The following FAR2 variants were observed in gnomAD, a reference collection of about 807,000 sequenced individuals.
The protein encoded by FAR2 is fatty acyl-CoA reductase 2.
Under a neutral mutation model 56.0 loss-of-function variants are expected in FAR2, and 19 were observed. The observed-to-expected ratio is 0.34, with a 90% CI of 0.24 to 0.50. FAR2 has a LOEUF of 0.50. Ranked by LOEUF, FAR2 falls within the 20% of genes least tolerant of loss-of-function variation. The pLI is 0.98. For synonymous variants in FAR2, 219 were observed against 218.8 expected (o/e 1.00, Z -0.01); for missense variants, 508 against 642.2 (o/e 0.79, Z 2.26).
intron 1 of FAR2, among the ~76,000 whole-genome samples, chr12:29,260,298 T>A (rs1013485302): frequency 1.3e-5 from 2 of 152,172 alleles, no homozygotes; most frequent in Non-Finnish European, 2.9e-5. Flanking sequence ...AAGAAACATC[T>A]CTGATGCAGC....
At chr12:29,251,189 CA>C (rs1388088203) in intron 1 of FAR2, among the ~76,000 whole-genome samples, 2 of 152,152 alleles carry the variant, frequency 1.3e-5, no homozygotes, top group African/African-American at 4.8e-5. Flanking sequence ...CTTGACTCAT[CA>C]AAACAGATAA....
At chr12:29,286,126 T>G (rs921757382) in intron 2 of FAR2, among the ~76,000 whole-genome samples, 12 of 152,022 alleles carry the variant, frequency 7.9e-5, no homozygotes, top group African/African-American at 2.9e-4. Context: ...GATCAGCAGT[T>G]TTTGGAAATG....
intron 2 of FAR2, chr12:29,277,442 T>G (rs7299283): frequency 1.3e-5 from 2 of 152,056 alleles, no homozygotes; most frequent in African/African-American, 2.4e-5. Flanking sequence ...TGTCAGGCAC[T>G]TATTGCTTTG....
At chr12:29,287,448 C>A (rs1948896712) in intron 2 of FAR2, among the ~76,000 whole-genome samples, 1 of 152,062 alleles carries the variant, frequency 6.6e-6, no homozygotes, top group South Asian at 2.1e-4. Context: ...AATTAACGAA[C>A]TTATTTGTGT....
chr12:29,305,244 C>CT (rs1457388662), intron 4 of FAR2, among the ~76,000 whole-genome samples: 1 of 152,130 alleles, frequency 6.6e-6, no homozygotes, highest in Non-Finnish European at 1.5e-5. Flanking sequence ...AGCAATCCTC[C>CT]TGCCTCAGCC....
intron 1 of FAR2, among the ~76,000 whole-genome samples, chr12:29,262,525 G>A (rs1948437758): frequency 6.6e-6 from 1 of 152,168 alleles, no homozygotes; most frequent in African/African-American, 2.4e-5. Context: ...AGCTACTCAG[G>A]AGGCTGAGAC....
chr12:29,316,990 C>A lies in FAR2; in HGVS notation c.1105C>A (p.Arg369=), dbSNP rs1293793663. The A allele has an allele frequency of 6.2e-7, 1 of 1,613,226 alleles. No individual in the cohort carries two copies. The highest frequency in any genetic ancestry group is 1.7e-5 in the Admixed American group (1 of 59,950). The part of the protein sequence containing the change: ...APAIIYDCYL[R]LTGRKPRMTK... ...TGCCATTATCTATGACTGCTATCTG[C>A]GGCTCACTGGAAGGAAGCCCAGGTG... is the stretch of plus-strand genomic sequence containing the variant. The change falls in exon 9 of 12, where the codon CGG becomes AGG. Residue 369 remains arginine, a synonymous_variant. Coordinates refer to ENST00000536681, the MANE Select transcript of FAR2 (RefSeq NM_001271783.2).
chr12:29,303,476 T>A (rs886868015), intron 4 of FAR2, among the ~76,000 whole-genome samples: 4 of 152,116 alleles, frequency 2.6e-5, no homozygotes, highest in Non-Finnish European at 5.9e-5. Flanking sequence ...CTAAAAACCA[T>A]GCTTCTGAGG....
intron 4 of FAR2, among the ~76,000 whole-genome samples, chr12:29,303,156 T>C (rs1363148162): frequency 3.3e-5 from 5 of 152,210 alleles, no homozygotes; most frequent in African/African-American, 1.2e-4. Context: ...TGCCCGACTG[T>C]TGGAATTTCC....
intron 2 of FAR2, among the ~76,000 whole-genome samples, chr12:29,276,902 C>G (rs958453518): frequency 8.6e-5 from 13 of 150,464 alleles, no homozygotes; most frequent in Non-Finnish European, 1.6e-4. Flanking sequence ...TGTGTATGTG[C>G]CACTGCACTC....
At position 29,186,755 on chromosome 12, in the gene FAR2, A is replaced by ATTTT. The variant is rs1481530321; in HGVS notation, c.-39+37350_-39+37351insTTTT. On this transcript the variant is annotated intron_variant, in intron 1 of 11. Coordinates refer to ENST00000536681, the MANE Select transcript of FAR2 (RefSeq NM_001271783.2). ...AATTATACAGCTTAGTTCTTTATTT[A>ATTTT]TTATTTATTTATTTATTTATTTATT... 3.0e-4 allele frequency among the ~76,000 whole-genome samples: 14 copies of ATTTT among 46,366 alleles called. No individual in the cohort carries two copies. In the East Asian group the frequency reaches 5.1e-3, roughly 17 times the overall value. The allele number at this position is 46,366 out of a possible 152,430, so 30.4% of individuals were successfully genotyped here. A position where few individuals can be genotyped will look rare whatever the true frequency, so the allele number is the denominator to read the frequency against.
chr12:29,213,422 G>T (rs910872933), intron 1 of FAR2, among the ~76,000 whole-genome samples: 2 of 152,142 alleles, frequency 1.3e-5, no homozygotes, highest in Admixed American at 1.3e-4. Context: ...GGACGCGGTG[G>T]CTCACGCCTG....
In FAR2 at chr12:29,329,456, A is replaced by G. The variant is rs370120721; in HGVS notation, c.1258-3144A>G. Among the ~76,000 whole-genome samples the G allele has an allele frequency of 3.3e-5, 5 of 152,354 alleles. No individual in the cohort carries two copies. In the East Asian group the frequency reaches 9.6e-4, roughly 29 times the overall value. On this transcript the variant is annotated intron_variant, in intron 10 of 11. Transcript: ENST00000536681. ...CTCTCAAAAATATCTTAGCAAAAGTAATAGTACTAAATGTAATTACCAAAT... is the reference window on the plus strand; with the variant it reads ...CTCTCAAAAATATCTTAGCAAAAGTGATAGTACTAAATGTAATTACCAAAT...
intron 2 of FAR2, among the ~76,000 whole-genome samples, chr12:29,273,464 G>T (rs1374033039): frequency 6.6e-6 from 1 of 152,288 alleles, no homozygotes; most frequent in South Asian, 2.1e-4. Flanking sequence ...CGGTGTGTAG[G>T]GCTGTGGGGA....
chr12:29,205,309 G>T (rs1947466679), intron 1 of FAR2, among the ~76,000 whole-genome samples: 1 of 152,170 alleles, frequency 6.6e-6, no homozygotes, highest in Admixed American at 6.5e-5. Context: ...GTCAAACAGG[G>T]ATAAAGCATT....
chr12:29,250,256 CA>C (rs1462277883), intron 1 of FAR2, among the ~76,000 whole-genome samples: 4 of 152,120 alleles, frequency 2.6e-5, no homozygotes, highest in Admixed American at 6.5e-5. Context: ...GATCCAGGAG[CA>C]AAATAGCTGG....
chr12:29,263,389 ATATAT>A (rs1257602004), intron 1 of FAR2, among the ~76,000 whole-genome samples: 1 of 152,198 alleles, frequency 6.6e-6, no homozygotes, highest in Non-Finnish European at 1.5e-5. Context: ...AGGATAGACC[ATATAT>A]TAGGTCACAA....
chr12:29,248,572 C>G (rs1010236474), intron 1 of FAR2, among the ~76,000 whole-genome samples: 2 of 152,118 alleles, frequency 1.3e-5, no homozygotes, highest in African/African-American at 4.8e-5. Context: ...AAGACCAGGG[C>G]AAAATTAAAA....
chr12:29,176,603 TAAC>T (rs1449409217), intron 1 of FAR2, among the ~76,000 whole-genome samples: 1 of 152,236 alleles, frequency 6.6e-6, no homozygotes, highest in Non-Finnish European at 1.5e-5. Flanking sequence ...ATGCTTATAT[TAAC>T]AACTTTTATG....
Sources: gnomAD v4.1 joint callset for allele counts (sites outside exome capture counted in the v4.1 genomes callset) on GRCh38, gnomAD v4.1.1 for gene constraint, MANE v1.5 for transcripts, NCBI Gene and HGNC (gene_info 2026-07-23, HGNC 2026-07-21) for gene names.